KIAA2012: variants seen among roughly 807,000 people sequenced by gnomAD.
KIAA2012 encodes KIAA2012.
Under a neutral mutation model 150.6 loss-of-function variants are expected in KIAA2012, and 125 were observed. That is an observed-to-expected ratio of 0.83 (90% CI 0.72 to 0.96). The LOEUF is 0.96. KIAA2012 is among the 40% of genes least tolerant of loss of function. The pLI is 0.00. For synonymous variants in KIAA2012, 462 were observed against 504.7 expected, an observed-to-expected ratio of 0.92 and a Z score of 1.13; for missense variants, 1,219 against 1,354.9, an observed-to-expected ratio of 0.90 and a Z score of 1.57.
chr2:202,090,196 T>C (rs1282634333), intron 2 of KIAA2012, among the ~76,000 whole-genome samples: 1 of 152,224 alleles, frequency 6.6e-6, no homozygotes, highest in African/African-American at 2.4e-5. Context: ...CCTAGTCAAT[T>C]GTAAGATGTT....
At chr2:202,113,475 GTTT>G in intron 11 of KIAA2012, 29 bp downstream of exon 11, 2 of 1,149,864 alleles carry the variant, frequency 1.7e-6, no homozygotes, top group Non-Finnish European at 1.2e-6. Context: ...GGGCAGCCTT[GTTT>G]TTTTTTTTTC....
intron 4 of KIAA2012, among the ~76,000 whole-genome samples, chr2:202,093,546 TTTAGATGATTTC>T (rs1444099273): frequency 2.6e-5 from 4 of 152,012 alleles, no homozygotes; most frequent in African/African-American, 9.7e-5. Flanking sequence ...GACTTTAGAT[TTTAGATGATTTC>T]TTAGATCTGT....
chr2:202,197,301 C>A, intron 22 of KIAA2012: 1 of 475,822 alleles, frequency 2.1e-6, no homozygotes, highest in African/African-American at 1.9e-5. Context: ...GGGAAAGGAT[C>A]TTGATCACAG....
At chr2:202,108,256 A>G (rs1419992674) in intron 9 of KIAA2012, among the ~76,000 whole-genome samples, 1 of 152,232 alleles carries the variant, frequency 6.6e-6, no homozygotes, top group Non-Finnish European at 1.5e-5. Flanking sequence ...TCTGAGAGTA[A>G]GTTGCAGACA....
intron 13 of KIAA2012, among the ~76,000 whole-genome samples, chr2:202,144,767 G>A (rs148115031): frequency 1.5e-3 from 227 of 152,242 alleles, no homozygotes; most frequent in African/African-American, 5.1e-3. Flanking sequence ...CAAGGTGGGC[G>A]GATCACTTGA....
intron 13 of KIAA2012, 61 bp from the exon 14 acceptor site, chr2:202,154,612 A>T: frequency 7.0e-7 from 1 of 1,418,948 alleles, no homozygotes. Context: ...GATTTGGACT[A>T]GCTCTTGTTG....
chr2:202,116,926 T>A (rs965194460), intron 11 of KIAA2012: 9 of 152,218 alleles, frequency 5.9e-5, no homozygotes, highest in Non-Finnish European at 1.2e-4. Context: ...ATGAGGCCAC[T>A]CAAGCAGCCT....
chr2:202,097,543 A>C lies in KIAA2012; in HGVS notation c.794A>C (p.Lys265Thr), dbSNP rs1204287691. ...SQGTRLPPRRKQPWQEDETQA... is the reference protein window; with the variant it reads ...SQGTRLPPRRTQPWQEDETQA... ...GGGACTCGCTTGCCACCACGCAGGAAGCAGCCCTGGCAGGAAGATGAAACG... is the reference window on the plus strand; with the variant it reads ...GGGACTCGCTTGCCACCACGCAGGACGCAGCCCTGGCAGGAAGATGAAACG... The change falls in exon 5 of 24, where the codon AAG becomes ACG. Residue 265 changes from lysine to threonine, a missense_variant. Physicochemically the swap from Lys to Thr is moderately conservative, Grantham distance 78. Coordinates refer to ENST00000498697, the MANE Select transcript of KIAA2012 (RefSeq NM_001277372.4). The C allele has an allele frequency of 6.5e-6, 10 of 1,550,150 alleles. No homozygotes were observed. In the Admixed American group the frequency reaches 2.0e-4, roughly 30 times the overall value.
At chr2:202,157,250 G>A (rs1691549005) in intron 14 of KIAA2012, among the ~76,000 whole-genome samples, 1 of 152,210 alleles carries the variant, frequency 6.6e-6, no homozygotes, top group Non-Finnish European at 1.5e-5. Flanking sequence ...CCAGATTCCT[G>A]GGGATTGCCA....
chr2:202,162,581 C>CTTTTTTTT (rs890834084), intron 14 of KIAA2012, among the ~76,000 whole-genome samples: 1 of 120,868 alleles, frequency 8.3e-6, no homozygotes, highest in Non-Finnish European at 1.8e-5. Flanking sequence ...GGCCCAGAGT[C>CTTTTTTTT]TTTTTTTTTT....
At position 202,142,807 on chromosome 2, in the gene KIAA2012, G is replaced by A. The variant is rs77245701; in HGVS notation, c.1908+4299G>A. On this transcript the variant is annotated intron_variant, in intron 13 of 23. Coordinates refer to ENST00000498697, the MANE Select transcript of KIAA2012 (RefSeq NM_001277372.4). ...AATGGCAGTTTCACCCTCAGTGAAG[G>A]GTTGACTTCAAGCATTAAAAAAGAA... 7.2e-5 allele frequency among the ~76,000 whole-genome samples: 11 copies of A among 152,080 alleles called. No individual in the cohort carries two copies. In the East Asian group the frequency reaches 2.1e-3, roughly 29 times the overall value.
At position 202,132,802 on chromosome 2, in the gene KIAA2012, A is replaced by ATATATAT. The variant is rs1473790947; in HGVS notation, c.1832-5629_1832-5628insATATATT. The stretch of plus-strand genomic sequence containing the variant: ...TATATATATGCGTATATATATATAT[A>ATATATAT]TTTTTTTTTTCAGGCCAGGCACAGT... On this transcript the variant is annotated intron_variant, in intron 12 of 23. Coordinates refer to ENST00000498697, the MANE Select transcript of KIAA2012 (RefSeq NM_001277372.4). Among the ~76,000 whole-genome samples, 343 of 94,682 alleles carry ATATATAT rather than the reference A, an allele frequency of 3.6e-3. 4 individuals carry two copies. Among genetic ancestry groups the ATATATAT allele is most frequent in the African/African-American group, 0.012 (326 of 27,630 alleles). 62.1% of individuals were successfully genotyped at this position (94,682 alleles called of 152,430 possible).
intron 15 of KIAA2012, among the ~76,000 whole-genome samples, chr2:202,170,969 C>G (rs985030236): frequency 5.9e-5 from 9 of 152,114 alleles, no homozygotes; most frequent in African/African-American, 2.2e-4. Context: ...CATCCTTGCT[C>G]GCAGAGCTGG....
chr2:202,145,936 T>C (rs10166443), intron 13 of KIAA2012, among the ~76,000 whole-genome samples: 105,505 of 151,830 alleles, frequency 0.69, 37,529 homozygotes, highest in African/African-American at 0.86. Flanking sequence ...CCACCCACCT[T>C]GGCCTCCCAA....
intron 2 of KIAA2012, among the ~76,000 whole-genome samples, chr2:202,086,918 C>A (rs562597193): frequency 1.8e-3 from 278 of 152,220 alleles, no homozygotes; most frequent in Middle Eastern, 3.4e-3. Flanking sequence ...CCCTCCAATC[C>A]GTAGCAGCTT....
chr2:202,077,623 G>A (rs1283842899), intron 2 of KIAA2012, among the ~76,000 whole-genome samples: 3 of 152,016 alleles, frequency 2.0e-5, no homozygotes, highest in Admixed American at 6.6e-5. Context: ...TAAGATTAAC[G>A]GACATAGTAG....
At chr2:202,188,050 A>G (rs1332126390) in intron 17 of KIAA2012, 102 bp from the exon 18 acceptor site, 1 of 942,608 alleles carries the variant, frequency 1.1e-6, no homozygotes, top group Admixed American at 2.7e-5. Flanking sequence ...CACAAATTCC[A>G]TTCTAAGCCA....
chr2:202,172,306 C>G (rs1691910473), intron 15 of KIAA2012, among the ~76,000 whole-genome samples: 1 of 152,234 alleles, frequency 6.6e-6, no homozygotes, highest in African/African-American at 2.4e-5. Flanking sequence ...AGTGGAGAAG[C>G]TGAGAGATGA....
At chr2:202,169,279 T>C (rs1230418340) in intron 15 of KIAA2012, among the ~76,000 whole-genome samples, 1 of 152,216 alleles carries the variant, frequency 6.6e-6, no homozygotes, top group Non-Finnish European at 1.5e-5. Context: ...GATTCAAAGA[T>C]GACAAAACCA....
Sources: gnomAD v4.1 joint callset for allele counts (sites outside exome capture counted in the v4.1 genomes callset) on GRCh38, gnomAD v4.1.1 for gene constraint, MANE v1.5 for transcripts, NCBI Gene and HGNC (gene_info 2026-07-23, HGNC 2026-07-21) for gene names.